TENM4: variants seen among roughly 807,000 people sequenced by gnomAD.
The protein encoded by TENM4 is teneurin transmembrane protein 4.
Under a neutral mutation model 243.3 loss-of-function variants are expected in TENM4, and 82 were observed. That is an observed-to-expected ratio of 0.34 (90% CI 0.28 to 0.40). The LOEUF (loss-of-function observed/expected upper bound fraction) is 0.40. TENM4 is among the 10% of genes least tolerant of loss of function. The probability of loss-of-function intolerance (pLI) is 1.00; values close to 1 mark genes in which losing one functional copy is unlikely to be tolerated. For synonymous variants in TENM4, 1,412 were observed against 1,456.3 expected (o/e 0.97, Z 0.69); for missense variants, 3,138 against 3,673.3 (o/e 0.85, Z 3.77).
intron 6 of TENM4, among the ~76,000 whole-genome samples, chr11:78,923,848 T>C (rs893459126): frequency 1.4e-5 from 2 of 147,058 alleles, no homozygotes; most frequent in African/African-American, 2.5e-5. Flanking sequence ...CTATTCTTTT[T>C]TTTTTTTCTT....
At chr11:79,094,731 C>T (rs1591278173) in intron 4 of TENM4, among the ~76,000 whole-genome samples, 1 of 152,108 alleles carries the variant, frequency 6.6e-6, no homozygotes, top group Non-Finnish European at 1.5e-5. Flanking sequence ...TTAGAGGCCT[C>T]CGTAAATCAG....
intron 4 of TENM4, among the ~76,000 whole-genome samples, chr11:79,136,178 C>T (rs1862106806): frequency 6.6e-6 from 1 of 152,040 alleles, no homozygotes; most frequent in African/African-American, 2.4e-5. Flanking sequence ...ACCCCAATAA[C>T]TTATTGAAAT....
intron 15 of TENM4, among the ~76,000 whole-genome samples, chr11:78,799,295 G>A (rs1382264359): frequency 1.3e-5 from 2 of 152,172 alleles, no homozygotes; most frequent in Non-Finnish European, 2.9e-5. Flanking sequence ...CCAGTGTTGG[G>A]GCTGGGGAAA....
At chr11:79,004,788 T>C (rs1406345371) in intron 6 of TENM4, among the ~76,000 whole-genome samples, 2 of 151,532 alleles carry the variant, frequency 1.3e-5, no homozygotes, top group East Asian at 3.9e-4. Context: ...CAAAAAACCA[T>C]AAGAAAGATC....
At chr11:79,259,971 G>T (rs987933879) in intron 2 of TENM4, among the ~76,000 whole-genome samples, 7 of 152,222 alleles carry the variant, frequency 4.6e-5, no homozygotes, top group Admixed American at 2.6e-4. Flanking sequence ...GCAGGAAACT[G>T]TTAATAATCA....
intron 6 of TENM4, among the ~76,000 whole-genome samples, chr11:79,021,132 A>G (rs1858915967): frequency 6.6e-6 from 1 of 152,298 alleles, no homozygotes; most frequent in East Asian, 1.9e-4. Flanking sequence ...TACCTTACTG[A>G]GTCCTCACAG....
chr11:78,880,488 A>AAAAAAAAAAAAAAAAAG (rs1368857006), intron 9 of TENM4, among the ~76,000 whole-genome samples: 3 of 113,000 alleles, frequency 2.7e-5, no homozygotes, highest in Admixed American at 8.9e-5. Context: ...AAAAAAAAAA[A>AAAAAAAAAAAAAAAAAG]AGAAAGAAAA....
At chr11:79,016,113 C>G (rs1260846851) in intron 6 of TENM4, among the ~76,000 whole-genome samples, 3 of 152,082 alleles carry the variant, frequency 2.0e-5, no homozygotes, top group African/African-American at 7.2e-5. Context: ...TAGGCATGGT[C>G]AAAGCTCTGG....
At chr11:79,160,892 T>C (rs549984980) in intron 3 of TENM4, among the ~76,000 whole-genome samples, 1 of 152,310 alleles carries the variant, frequency 6.6e-6, no homozygotes, top group Admixed American at 6.5e-5. Context: ...CAGTGAGGCA[T>C]GACTGTCTAA....
intron 1 of TENM4, among the ~76,000 whole-genome samples, chr11:79,324,993 C>T (rs1479839605): frequency 6.6e-6 from 1 of 152,200 alleles, no homozygotes; most frequent in Non-Finnish European, 1.5e-5. Context: ...TGCCAATGGC[C>T]ACTCAGCCAG....
At chr11:79,111,831 GA>G (rs1861515064) in intron 4 of TENM4, among the ~76,000 whole-genome samples, 1 of 152,160 alleles carries the variant, frequency 6.6e-6, no homozygotes, top group Non-Finnish European at 1.5e-5. Flanking sequence ...AAGGAGGTGG[GA>G]GGGGGGTGGT....
intron 27 of TENM4, among the ~76,000 whole-genome samples, chr11:78,707,212 A>G (rs927612629): frequency 7.9e-5 from 12 of 152,354 alleles, no homozygotes; most frequent in African/African-American, 2.6e-4. Context: ...TCAATTTGCA[A>G]TTTGATGTAA....
Position 79,095,018 on chromosome 11 carries a change from G to A in TENM4, c.-65-25009C>T, listed in dbSNP as rs532260815. Among the ~76,000 whole-genome samples, 37 of 152,322 alleles carry A rather than the reference G, an allele frequency of 2.4e-4. No homozygotes were observed. In the East Asian group the frequency reaches 6.2e-3, roughly 25 times the overall value. The stretch of plus-strand genomic sequence containing the variant: ...TGCAAGGAGGCTTGGAGTCAGCCAT[G>A]CCTGGCAGGAGATGTGTCCATGTCC... On this transcript the variant is annotated intron_variant, in intron 4 of 33. Coordinates refer to ENST00000278550, the MANE Select transcript of TENM4 (RefSeq NM_001098816.3).
intron 3 of TENM4, among the ~76,000 whole-genome samples, chr11:79,179,688 C>T (rs1863243841): frequency 6.6e-6 from 1 of 151,690 alleles, no homozygotes; most frequent in African/African-American, 2.4e-5. Context: ...ACTCAAAAAA[C>T]ATTTATTGTT....
chr11:78,985,336 A>T (rs979773677), intron 6 of TENM4, among the ~76,000 whole-genome samples: 1 of 152,172 alleles, frequency 6.6e-6, no homozygotes, highest in African/African-American at 2.4e-5. Flanking sequence ...ATTAATATTT[A>T]AAAAATTTAA....
chr11:78,755,867 C>T (rs758948814), intron 19 of TENM4, among the ~76,000 whole-genome samples: 9 of 152,144 alleles, frequency 5.9e-5, no homozygotes, highest in Non-Finnish European at 1.2e-4. Flanking sequence ...AATGAACATA[C>T]GAGGTGCACG....
intron 1 of TENM4, among the ~76,000 whole-genome samples, chr11:79,356,224 G>C (rs1415455581): frequency 6.6e-6 from 1 of 152,226 alleles, no homozygotes; most frequent in Non-Finnish European, 1.5e-5. Context: ...TTCTGCAAGA[G>C]TGTGGGGTAG....
intron 9 of TENM4, among the ~76,000 whole-genome samples, chr11:78,864,150 T>C (rs1858897871): frequency 6.6e-6 from 1 of 152,202 alleles, no homozygotes; most frequent in South Asian, 2.1e-4. Context: ...AGTAGCTGTG[T>C]CCTGTGAAGG....
At chr11:79,242,620 A>G (rs1005773357) in intron 2 of TENM4, among the ~76,000 whole-genome samples, 1 of 152,212 alleles carries the variant, frequency 6.6e-6, no homozygotes, top group Non-Finnish European at 1.5e-5. Flanking sequence ...AAAGCTCTAT[A>G]AACATCATTT....
Sources: allele counts gnomAD v4.1 joint callset (sites outside exome capture counted in the v4.1 genomes callset), GRCh38; gene constraint gnomAD v4.1.1; transcripts MANE v1.5; gene names NCBI Gene and HGNC (gene_info 2026-07-23, HGNC 2026-07-21).